SLC36A4: variants seen among roughly 807,000 people sequenced by gnomAD.
SLC36A4 encodes neutral amino acid uniporter 4.
In SLC36A4, 49 loss-of-function variants were observed where a neutral mutation model predicts 50.5. That is an observed-to-expected ratio of 0.97 (90% CI 0.77 to 1.23). The LOEUF (loss-of-function observed/expected upper bound fraction) is 1.23, where lower values mean the gene tolerates loss of function less well. Among genes scored for constraint, SLC36A4 ranks in the 50% most tolerant of loss-of-function variants. SLC36A4 has a pLI of 0.00. For synonymous variants in SLC36A4, 207 were observed against 206.5 expected, an observed-to-expected ratio of 1.00 and a Z score of -0.02; for missense variants, 611 against 608.4, an observed-to-expected ratio of 1.00 and a Z score of -0.05.
rs778765808 is a variant in SLC36A4, at chr11:93,180,101, C to G, written c.540+696G>C. On this transcript the variant is annotated intron_variant, in intron 6 of 10. Coordinates refer to ENST00000326402, the MANE Select transcript of SLC36A4 (RefSeq NM_152313.4). ...TGTAAAATGTTTACTGTACCATGGA[C>G]ATGTGGATAATTAATAAATATTATT... The G allele has an allele frequency of 4.2e-6, 4 of 952,830 alleles. No individual in the cohort carries two copies. In the African/African-American group the frequency reaches 7.1e-5, roughly 17 times the overall value. 59.0% of individuals were successfully genotyped at this position (952,830 alleles called of 1,614,324 possible).
chr11:93,191,303 G>T (rs778662982), intron 1 of SLC36A4, among the ~76,000 whole-genome samples: 1 of 152,120 alleles, frequency 6.6e-6, no homozygotes, highest in Non-Finnish European at 1.5e-5. Flanking sequence ...TTTAGCCCTG[G>T]CATTGGTCAC....
chr11:93,192,858 A>G (rs1036400459), intron 1 of SLC36A4, among the ~76,000 whole-genome samples: 1 of 152,200 alleles, frequency 6.6e-6, no homozygotes, highest in African/African-American at 2.4e-5. Context: ...CTCTGGGCCT[A>G]TTTTCTCATA....
At chr11:93,185,254 T>C (rs16918634) in intron 2 of SLC36A4, 3,160 of 152,998 alleles carry the variant, frequency 0.021, 91 homozygotes, top group African/African-American at 0.071. Context: ...AATTGCATAT[T>C]ACTTTGCTGA....
At chr11:93,187,792 T>C (rs1026009391) in intron 1 of SLC36A4, among the ~76,000 whole-genome samples, 1 of 152,126 alleles carries the variant, frequency 6.6e-6, no homozygotes, top group Admixed American at 6.6e-5. Flanking sequence ...GGACCACCAA[T>C]TTTCCCCATT....
At chr11:93,183,546 T>C (rs913080806) in intron 3 of SLC36A4, among the ~76,000 whole-genome samples, 1 of 152,098 alleles carries the variant, frequency 6.6e-6, no homozygotes, top group Admixed American at 6.5e-5. Flanking sequence ...AAGTGGTCTA[T>C]TCAAAAAAGT....
chr11:93,195,385 C>T (rs182639007), intron 1 of SLC36A4, among the ~76,000 whole-genome samples: 30 of 152,134 alleles, frequency 2.0e-4, no homozygotes, highest in African/African-American at 7.0e-4. Flanking sequence ...TAACCCTCAC[C>T]CATTCTGTCA....
At chr11:93,183,773 A>G (rs1422102660) in intron 3 of SLC36A4, among the ~76,000 whole-genome samples, 1 of 151,660 alleles carries the variant, frequency 6.6e-6, no homozygotes, top group Non-Finnish European at 1.5e-5. Flanking sequence ...TCTCAGCTCA[A>G]TGCAAACTCC....
intron 1 of SLC36A4, among the ~76,000 whole-genome samples, chr11:93,186,669 C>G (rs1047993114): frequency 6.6e-6 from 1 of 152,120 alleles, no homozygotes; most frequent in Non-Finnish European, 1.5e-5. Flanking sequence ...TCTACTTTGA[C>G]AATACATATG....
chr11:93,185,728 G>A lies in SLC36A4; in HGVS notation c.142C>T (p.Gln48Ter). 5 of 1,604,806 alleles carry A rather than the reference G, an allele frequency of 3.1e-6. No individual in the cohort carries two copies. The highest frequency in any genetic ancestry group is 4.2e-6 in the Non-Finnish European group (5 of 1,177,532). The change falls in exon 2 of 11, where the codon CAG becomes TAG. Residue 48 changes from glutamine to a stop codon, truncating the protein, a stop_gained. Transcript: ENST00000326402. LOFTEE classifies it high-confidence loss of function. The part of the protein sequence containing the change: ...EEHEQELLPV[Q>*]KHYQLDDQEG... ...TGATCATCAAGTTGGTAATGCTTCT[G>A]AACAGGCAGAAGCTCTTGCTCATGT...
chr11:93,176,516 A>G (rs1385191833), intron 6 of SLC36A4, among the ~76,000 whole-genome samples: 1 of 151,140 alleles, frequency 6.6e-6, no homozygotes, highest in Non-Finnish European at 1.5e-5. Context: ...GATTTTGCTC[A>G]TTAGTTGATG....
At chr11:93,164,559 A>G (rs1860778524) in intron 8 of SLC36A4, among the ~76,000 whole-genome samples, 1 of 152,234 alleles carries the variant, frequency 6.6e-6, no homozygotes, top group African/African-American at 2.4e-5. Context: ...TAAGTCAGTC[A>G]GTTCCATATG....
chr11:93,186,325 T>C (rs1861981008), intron 1 of SLC36A4, among the ~76,000 whole-genome samples: 1 of 152,182 alleles, frequency 6.6e-6, no homozygotes, highest in African/African-American at 2.4e-5. Flanking sequence ...ATTCATATTA[T>C]CAAATTCAGG....
intron 10 of SLC36A4, among the ~76,000 whole-genome samples, chr11:93,149,971 T>G (rs923049299): frequency 3.3e-5 from 5 of 151,788 alleles, no homozygotes; most frequent in Non-Finnish European, 5.9e-5. Flanking sequence ...ATGAAAAGTT[T>G]AAAAAAAATA....
intron 1 of SLC36A4, among the ~76,000 whole-genome samples, chr11:93,188,231 C>T (rs1403908619): frequency 6.6e-6 from 1 of 152,164 alleles, no homozygotes; most frequent in Admixed American, 6.5e-5. Context: ...GTTGAATTCA[C>T]AGGTTTTAGG....
At chr11:93,186,845 G>C (rs908865179) in intron 1 of SLC36A4, among the ~76,000 whole-genome samples, 8 of 152,146 alleles carry the variant, frequency 5.3e-5, no homozygotes, top group Non-Finnish European at 1.2e-4. Context: ...ATGGCCTGCA[G>C]GGCTTGCTAA....
chr11:93,177,029 T>G (rs1159935780), intron 6 of SLC36A4, among the ~76,000 whole-genome samples: 1 of 152,220 alleles, frequency 6.6e-6, no homozygotes, highest in Non-Finnish European at 1.5e-5. Context: ...TTCTCCTGGA[T>G]AATATCCTGA....
chr11:93,172,381 TTG>T (rs1861191354), intron 6 of SLC36A4, among the ~76,000 whole-genome samples: 2 of 152,142 alleles, frequency 1.3e-5, no homozygotes, highest in Admixed American at 6.5e-5. Context: ...ACCATATTTG[TTG>T]TCTTTTATCC....
chr11:93,196,300 A>T (rs777739459), intron 1 of SLC36A4, among the ~76,000 whole-genome samples: 1 of 152,206 alleles, frequency 6.6e-6, no homozygotes, highest in East Asian at 1.9e-4. Flanking sequence ...ACCTCTTGAT[A>T]TAAGTATGGG....
chr11:93,152,648 C>G (rs1011629213), intron 10 of SLC36A4: 2 of 152,106 alleles, frequency 1.3e-5, no homozygotes, highest in Admixed American at 1.3e-4. Context: ...TGTGCCTCAG[C>G]TGATTCATAA....
Sources: allele counts gnomAD v4.1 joint callset (sites outside exome capture counted in the v4.1 genomes callset), GRCh38; gene constraint gnomAD v4.1.1; transcripts MANE v1.5; gene names NCBI Gene and HGNC (gene_info 2026-07-23, HGNC 2026-07-21).